The following DLGAP2 variants were observed in gnomAD, a reference collection of about 807,000 sequenced individuals.
DLGAP2 encodes the protein disks large-associated protein 2.
DLGAP2 carries 26 observed loss-of-function variants against 100.3 expected under a neutral mutation model. The observed-to-expected ratio is 0.26, with a 90% confidence interval of 0.19 to 0.36. The LOEUF (loss-of-function observed/expected upper bound fraction) is 0.36. Among genes scored for constraint, DLGAP2 ranks in the 10% least tolerant of loss-of-function variants. The pLI is 1.00. For missense variants in DLGAP2, 1,858 were observed against 1,453.2 expected (o/e 1.28, Z -4.53); for synonymous variants, 886 against 630.1 (o/e 1.41, Z -6.08).
At chr8:1,558,394 G>A (rs951163046) in intron 5 of DLGAP2, among the ~76,000 whole-genome samples, 1 of 152,166 alleles carries the variant, frequency 6.6e-6, no homozygotes, top group Admixed American at 6.5e-5. Context: ...CGCAGGCCTG[G>A]GGGACACACC....
intron 1 of DLGAP2, among the ~76,000 whole-genome samples, chr8:846,337 C>T (rs1457707606): frequency 6.6e-6 from 1 of 152,196 alleles, no homozygotes; most frequent in Non-Finnish European, 1.5e-5. Flanking sequence ...CTACTCTCTA[C>T]TTCTGTGAGA....
chr8:1,058,112 C>T (rs930943648), intron 2 of DLGAP2, among the ~76,000 whole-genome samples: 45 of 152,290 alleles, frequency 3.0e-4, no homozygotes, highest in Admixed American at 1.8e-3. Flanking sequence ...CGTGGGGTTG[C>T]ATGCGAGTGT....
At chr8:1,420,230 T>C (rs914255193) in intron 3 of DLGAP2, among the ~76,000 whole-genome samples, 1 of 152,126 alleles carries the variant, frequency 6.6e-6, no homozygotes, top group Non-Finnish European at 1.5e-5. Context: ...CAGCGTAAAC[T>C]CAGGTGTGGT....
chr8:1,549,446 G>A lies in DLGAP2; in HGVS notation c.993G>A (p.Leu331=). The change falls in exon 5 of 15, where the codon CTG becomes CTA. Residue 331 remains leucine (L), a synonymous_variant. Coordinates refer to ENST00000637795, the MANE Select transcript of DLGAP2 (RefSeq NM_001346810.2). Reference sequence around the variant, plus strand: ...TGGCCCACTGCTACCCCGACGCGCTGCAGAGCCCCTTCGGGGACCTGTCCC... The same window carrying A: ...TGGCCCACTGCTACCCCGACGCGCTACAGAGCCCCTTCGGGGACCTGTCCC... ...GPVAHCYPDA[L]QSPFGDLSLK... is the part of the protein sequence containing the mutation. The A allele has an allele frequency of 1.2e-6, 2 of 1,613,450 alleles. No homozygotes were observed. Among genetic ancestry groups the A allele is most frequent in the Non-Finnish European group, 1.7e-6 (2 of 1,179,762 alleles).
chr8:866,733 G>A (rs1033645951), intron 1 of DLGAP2, among the ~76,000 whole-genome samples: 10 of 152,162 alleles, frequency 6.6e-5, no homozygotes, highest in South Asian at 2.1e-4. Flanking sequence ...TGTGTGCTGT[G>A]AGCATCAAAA....
intron 2 of DLGAP2, among the ~76,000 whole-genome samples, chr8:1,096,641 C>T (rs111314378): frequency 5.3e-4 from 75 of 142,364 alleles, no homozygotes; most frequent in African/African-American, 7.1e-4. Flanking sequence ...CACCTCCCTG[C>T]GCTCAGTAGA....
At chr8:788,769 T>C (rs1021064546) in intron 1 of DLGAP2, among the ~76,000 whole-genome samples, 1 of 152,190 alleles carries the variant, frequency 6.6e-6, no homozygotes, top group Non-Finnish European at 1.5e-5. Context: ...ACAGCAGAAG[T>C]CACTTATTTT....
Position 1,565,905 on chromosome 8 carries a change from C to A in DLGAP2, c.1442+11C>A, listed in dbSNP as rs1375495484. On this transcript the variant is annotated intron_variant, in intron 6 of 14. Coordinates refer to ENST00000637795, the MANE Select transcript of DLGAP2 (RefSeq NM_001346810.2). ...TGGAGAGCACCAGACGTAAGTGAGA[C>A]CAGCTGCCTTCCCACTCCAAGCACT... The A allele has an allele frequency of 1.9e-6, 3 of 1,583,022 alleles. No homozygotes were observed. The highest frequency in any genetic ancestry group is 1.3e-5 in the African/African-American group (1 of 74,204).
In DLGAP2 at chr8:1,676,527, A is replaced by C. The variant is rs1277191136; in HGVS notation, c.2203-6A>C. 12 of 1,612,230 alleles carry C rather than the reference A, an allele frequency of 7.4e-6. No homozygotes were observed. Among genetic ancestry groups the C allele is most frequent in the Non-Finnish European group, 1.0e-5 (12 of 1,179,226 alleles). ...TTCTAAAATAAGACGTTCTCTGTTGAATTAGGTGGAAACGGCCACAGATTC... is the reference window on the plus strand; with the variant it reads ...TTCTAAAATAAGACGTTCTCTGTTGCATTAGGTGGAAACGGCCACAGATTC... On this transcript the variant is annotated splice_polypyrimidine_tract_variant and splice_region_variant and intron_variant, in intron 10 of 14. Coordinates refer to ENST00000637795, the MANE Select transcript of DLGAP2 (RefSeq NM_001346810.2).
intron 2 of DLGAP2, among the ~76,000 whole-genome samples, chr8:972,443 G>C (rs534405901): frequency 6.6e-6 from 1 of 152,258 alleles, no homozygotes; most frequent in Non-Finnish European, 1.5e-5. Context: ...GAAACTCTAA[G>C]AAAATCAAAG....
chr8:927,494 G>A (rs1050860606), intron 2 of DLGAP2, among the ~76,000 whole-genome samples: 1 of 152,138 alleles, frequency 6.6e-6, no homozygotes, highest in Non-Finnish European at 1.5e-5. Flanking sequence ...TGATTTTGAG[G>A]TCCTTAAAGT....
intron 2 of DLGAP2, among the ~76,000 whole-genome samples, chr8:969,250 G>A (rs1197652474): frequency 6.6e-6 from 1 of 152,158 alleles, no homozygotes; most frequent in Non-Finnish European, 1.5e-5. Flanking sequence ...CTCTTCCTGG[G>A]TCTCCAGCCT....
chr8:1,582,628 C>T (rs1007982508), intron 6 of DLGAP2, among the ~76,000 whole-genome samples: 3 of 152,084 alleles, frequency 2.0e-5, no homozygotes, highest in South Asian at 2.1e-4. Flanking sequence ...CTCGCTCCGT[C>T]ACCCAGGCTG....
intron 3 of DLGAP2, among the ~76,000 whole-genome samples, chr8:1,430,863 A>G (rs888904958): frequency 3.3e-5 from 5 of 152,210 alleles, no homozygotes; most frequent in Non-Finnish European, 7.3e-5. Context: ...AGCGTCTTTG[A>G]TATCAGGCAT....
chr8:1,219,448 T>C (rs756901259), intron 2 of DLGAP2, among the ~76,000 whole-genome samples: 2 of 152,210 alleles, frequency 1.3e-5, no homozygotes, highest in African/African-American at 4.8e-5. Context: ...CAAACTTGCA[T>C]CCAGGAATCA....
intron 2 of DLGAP2, among the ~76,000 whole-genome samples, chr8:1,078,423 C>G (rs1440607712): frequency 6.6e-6 from 1 of 152,146 alleles, no homozygotes; most frequent in African/African-American, 2.4e-5. Flanking sequence ...TTGATGGAAG[C>G]CCACAGCTTA....
intron 6 of DLGAP2, among the ~76,000 whole-genome samples, chr8:1,572,197 G>C (rs1266083062): frequency 8.1e-6 from 1 of 123,020 alleles, no homozygotes. Flanking sequence ...GGAGAGGAGA[G>C]AGGGTGAACT....
chr8:1,203,955 A>G (rs148202372), intron 2 of DLGAP2, among the ~76,000 whole-genome samples: 92 of 152,328 alleles, frequency 6.0e-4, no homozygotes, highest in African/African-American at 2.2e-3. Flanking sequence ...CAAGTGTCAA[A>G]AAATAGGTCA....
intron 1 of DLGAP2, among the ~76,000 whole-genome samples, chr8:866,291 G>C (rs1797494096): frequency 6.6e-6 from 1 of 152,208 alleles, no homozygotes; most frequent in Non-Finnish European, 1.5e-5. Context: ...AAGGGGCCCT[G>C]ATTCCCCCTT....
Sources: gnomAD v4.1 joint callset for allele counts (sites outside exome capture counted in the v4.1 genomes callset) on GRCh38, gnomAD v4.1.1 for gene constraint, MANE v1.5 for transcripts, NCBI Gene and HGNC (gene_info 2026-07-23, HGNC 2026-07-21) for gene names.